Variants in IPO5 observed in about 807,000 individuals in gnomAD.
The protein encoded by IPO5 is importin-5.
In IPO5, 18 loss-of-function variants were observed where a neutral mutation model predicts 143.3. The observed-to-expected ratio is 0.13, with a 90% CI of 0.09 to 0.19. The LOEUF is 0.19. Ranked by LOEUF, IPO5 falls within the 10% of genes least tolerant of loss-of-function variation. The pLI, the probability that IPO5 is intolerant of heterozygous loss-of-function variation, is 1.00. For synonymous variants in IPO5, 477 were observed against 465.7 expected (o/e 1.02, Z -0.31); for missense variants, 1,013 against 1,336.9 (o/e 0.76, Z 3.78).
chr13:97,983,850 T>C (rs974914399), intron 5 of IPO5, among the ~76,000 whole-genome samples: 5 of 151,586 alleles, frequency 3.3e-5, no homozygotes, highest in African/African-American at 9.7e-5. Context: ...CATATAAAAG[T>C]ATCCCAATTT....
chr13:97,964,499 G>C (rs1357795241), intron 2 of IPO5, among the ~76,000 whole-genome samples: 1 of 142,222 alleles, frequency 7.0e-6, no homozygotes, highest in Non-Finnish European at 1.5e-5. Flanking sequence ...CCAGGCTGGA[G>C]TGCAGTGGCG....
chr13:97,966,927 T>C (rs1430616702), intron 2 of IPO5, among the ~76,000 whole-genome samples: 1 of 152,048 alleles, frequency 6.6e-6, no homozygotes, highest in Non-Finnish European at 1.5e-5. Context: ...TCCCAGCTAC[T>C]TGGGAGGCTG....
intron 4 of IPO5, among the ~76,000 whole-genome samples, chr13:97,977,213 C>A (rs548414339): frequency 2.4e-3 from 363 of 152,334 alleles, no homozygotes; most frequent in African/African-American, 8.5e-3. Context: ...TCTCCCAAAC[C>A]CTGGCTGCTA....
Position 97,982,508 on chromosome 13 carries a change from C to T in IPO5, c.96C>T (p.Thr32=). 1 of 1,609,276 alleles carries T rather than the reference C, an allele frequency of 6.2e-7. No individual in the cohort carries two copies. Among genetic ancestry groups the T allele is most frequent in the Non-Finnish European group, 8.5e-7 (1 of 1,177,030 alleles). The change falls in exon 5 of 29, where the codon ACC becomes ACT. Residue 32 remains threonine (T), a synonymous_variant. Transcript: ENST00000651721. ...DNVVRKQAEE[T]YENIPGQSKI... is the part of the protein sequence containing the mutation. ...ATTTTTTTTTTTCCATGCAGGAAAC[C>T]TATGAGAATATCCCAGGCCAGTCAA... is the stretch of plus-strand genomic sequence containing the variant.
chr13:97,995,160 TTTCA>T (rs1888144618), intron 11 of IPO5, among the ~76,000 whole-genome samples: 1 of 150,460 alleles, frequency 6.6e-6, no homozygotes, highest in South Asian at 2.1e-4. Context: ...GATATCTTTC[TTTCA>T]TTCTTTCTTT....
At chr13:97,976,014 T>A (rs1886260116) in intron 3 of IPO5, 3 of 953,992 alleles carry the variant, frequency 3.1e-6, no homozygotes, top group East Asian at 1.2e-4. Context: ...AGGAAGTGGG[T>A]CTAAAGGGAC....
intron 3 of IPO5, 44 bp from the exon 4 acceptor site, chr13:97,976,649 C>T (rs1886357518): frequency 3.0e-6 from 3 of 1,000,016 alleles, no homozygotes; most frequent in South Asian, 3.4e-5. Context: ...GCGAGCGCGC[C>T]TCACGGCTCC....
In IPO5 at chr13:98,020,983, A is replaced by G; in HGVS notation, c.3066-9A>G. The G allele has an allele frequency of 2.5e-6, 4 of 1,600,632 alleles. No individual in the cohort carries two copies. Among genetic ancestry groups the G allele is most frequent in the Non-Finnish European group, 3.4e-6 (4 of 1,173,096 alleles). On this transcript the variant is annotated splice_polypyrimidine_tract_variant and intron_variant, in intron 27 of 28. Transcript: ENST00000651721. ...TTTCACTTACTAAGGTTTTCTTCTC[A>G]TTTGTCAGTAATCATCCAATTGTTC...
intron 5 of IPO5, 28 bp downstream of exon 5, chr13:97,982,611 C>T (rs1253945302): frequency 7.4e-7 from 1 of 1,345,248 alleles, no homozygotes; most frequent in East Asian, 2.3e-5. Context: ...GTGACTATTA[C>T]ATTCTTAGAA....
In IPO5 at chr13:98,008,075, C is replaced by T; in HGVS notation, c.1733C>T (p.Ser578Leu). The T allele has an allele frequency of 6.2e-7, 1 of 1,607,538 alleles. No homozygotes were observed. The highest frequency in any genetic ancestry group is 8.5e-7 in the Non-Finnish European group (1 of 1,174,100). Residue 578 changes from serine to leucine, a missense_variant, in exon 18 of 29, where the codon TCA (serine) becomes TTA (leucine). This residue lies in a region of IPO5 where 685 missense variants were observed against 994.9 expected (regional missense o/e 0.69). Transcript: ENST00000651721. ...TTCCTCTAGTTCATGCAGGATGCATCAGATGTGATGCAGCTTTTGTTAAAG... is the reference window on the plus strand; with the variant it reads ...TTCCTCTAGTTCATGCAGGATGCATTAGATGTGATGCAGCTTTTGTTAAAG... ...VGKEKFMQDA[S>L]DVMQLLLKTQ...
At chr13:97,993,496 T>C (rs1251904230) in intron 11 of IPO5, among the ~76,000 whole-genome samples, 6 of 152,194 alleles carry the variant, frequency 3.9e-5, no homozygotes, top group Non-Finnish European at 8.8e-5. Flanking sequence ...TATATGTTAA[T>C]ATTGGGCACA....
chr13:97,977,660 A>G lies in IPO5; in HGVS notation c.90+874A>G, dbSNP rs191535262. Among the ~76,000 whole-genome samples the G allele has an allele frequency of 2.6e-3, 403 of 152,294 alleles. 1 individual carries two copies. The highest frequency in any genetic ancestry group is 2.8e-3 in the Non-Finnish European group (192 of 68,038). On this transcript the variant is annotated intron_variant, in intron 4 of 28. Transcript: ENST00000651721. The stretch of plus-strand genomic sequence containing the variant: ...TGTGGAGAGACTTTCAAGTGACAGT[A>G]TTTTAAATATATCTGTAAGCTCATT...
chr13:98,001,433 C>G (rs555332840), intron 13 of IPO5, among the ~76,000 whole-genome samples: 3 of 152,338 alleles, frequency 2.0e-5, no homozygotes, highest in East Asian at 3.9e-4. Flanking sequence ...TCAAGCGATT[C>G]TCCTGCCCTA....
intron 11 of IPO5, among the ~76,000 whole-genome samples, chr13:97,994,854 A>C (rs1888111205): frequency 1.3e-5 from 2 of 152,170 alleles, no homozygotes; most frequent in African/African-American, 4.8e-5. Context: ...GGCCAGGCAT[A>C]CTGGCTCAGG....
chr13:98,019,429 T>A, intron 26 of IPO5, 152 bp from the exon 27 acceptor site: 1 of 631,728 alleles, frequency 1.6e-6, no homozygotes. Flanking sequence ...CTGTTGCCAT[T>A]CTGTAATGAC....
intron 3 of IPO5, chr13:97,975,539 C>T (rs1023102143): frequency 6.6e-6 from 1 of 152,194 alleles, no homozygotes; most frequent in Non-Finnish European, 1.5e-5. Flanking sequence ...AACAAAAGTA[C>T]CCTCTGATTT....
chr13:97,981,471 TAA>T (rs750073735), intron 4 of IPO5: 1 of 293,816 alleles, frequency 3.4e-6, no homozygotes, highest in Non-Finnish European at 6.6e-6. Context: ...GGGCACTTAG[TAA>T]AAGGTTTAAG....
intron 13 of IPO5, chr13:98,000,907 A>G (rs2139761119): frequency 2.2e-6 from 1 of 452,834 alleles, no homozygotes; most frequent in Non-Finnish European, 4.0e-6. Flanking sequence ...TTTGAATCAT[A>G]TACTCTTCTT....
intron 12 of IPO5, 35 bp from the exon 13 acceptor site, chr13:98,000,504 A>T (rs751144468): frequency 7.7e-7 from 1 of 1,298,990 alleles, no homozygotes; most frequent in Non-Finnish European, 1.1e-6. Flanking sequence ...TGTGTTTCAG[A>T]TATATTGAGT....
Sources: allele counts gnomAD v4.1 joint callset (sites outside exome capture counted in the v4.1 genomes callset), GRCh38; gene constraint gnomAD v4.1.1; regional missense constraint gnomAD v4.1.1; transcripts MANE v1.5; gene names NCBI Gene and HGNC (gene_info 2026-07-23, HGNC 2026-07-21).